PTK2: variants seen among roughly 807,000 people sequenced by gnomAD.
PTK2 encodes protein tyrosine kinase 2, also known as focal adhesion kinase 1.
In PTK2, 45 loss-of-function variants were observed where a neutral mutation model predicts 150.1. The observed-to-expected ratio is 0.30, with a 90% CI of 0.24 to 0.38. PTK2 has a LOEUF of 0.38. Among genes scored for constraint, PTK2 ranks in the 10% least tolerant of loss-of-function variants. The probability of loss-of-function intolerance (pLI) is 1.00; values close to 1 mark genes in which losing one functional copy is unlikely to be tolerated. For synonymous variants in PTK2, 432 were observed against 449.2 expected, an observed-to-expected ratio of 0.96 and a Z score of 0.48; for missense variants, 919 against 1,307.3, an observed-to-expected ratio of 0.70 and a Z score of 4.58.
intron 26 of PTK2, among the ~76,000 whole-genome samples, chr8:140,693,405 A>G (rs1262562895): frequency 2.0e-5 from 3 of 151,716 alleles, no homozygotes; most frequent in African/African-American, 7.3e-5. Context: ...AAAAGTAACA[A>G]AATTAGCCAG....
intron 7 of PTK2, among the ~76,000 whole-genome samples, chr8:140,843,634 A>G (rs1394067268): frequency 6.6e-6 from 1 of 152,126 alleles, no homozygotes; most frequent in African/African-American, 2.4e-5. Flanking sequence ...ACTATTTGCC[A>G]TCTATTGTAC....
At chr8:140,739,199 G>T in intron 20 of PTK2, 92 bp from the exon 24 acceptor site, 1 of 808,850 alleles carries the variant, frequency 1.2e-6, no homozygotes. Flanking sequence ...AAAGGAAAAA[G>T]CTTTAACTAT....
At chr8:140,966,745 A>G (rs1199801207) in intron 1 of PTK2, among the ~76,000 whole-genome samples, 1 of 152,214 alleles carries the variant, frequency 6.6e-6, no homozygotes, top group Non-Finnish European at 1.5e-5. Flanking sequence ...AACTCTGAAG[A>G]TATTTTAAGA....
At chr8:140,972,187 T>TA (rs35134075) in intron 1 of PTK2, among the ~76,000 whole-genome samples, 56,212 of 151,384 alleles carry the variant, frequency 0.37, 12,636 homozygotes, top group Non-Finnish European at 0.51. Flanking sequence ...CCTCCTCCCC[T>TA]AAAAAAAAAT....
chr8:140,719,887 CAAAAAAA>C (rs71308987), intron 22 of PTK2, among the ~76,000 whole-genome samples: 29 of 90,870 alleles, frequency 3.2e-4, no homozygotes, highest in African/African-American at 1.0e-3. Flanking sequence ...CTTGTCTCAC[CAAAAAAA>C]AAAAAAAAAA....
intron 8 of PTK2, among the ~76,000 whole-genome samples, chr8:140,826,160 G>A (rs2100111648): frequency 6.6e-6 from 1 of 152,184 alleles, no homozygotes; most frequent in Admixed American, 6.5e-5. Flanking sequence ...TTATGGAAAA[G>A]CCAATGTTAA....
At chr8:140,979,922 G>C (rs572562114) in intron 1 of PTK2, among the ~76,000 whole-genome samples, 8 of 152,248 alleles carry the variant, frequency 5.3e-5, no homozygotes, top group Non-Finnish European at 1.0e-4. Context: ...AAATTACCCA[G>C]TCTCGGATAT....
intron 27 of PTK2, among the ~76,000 whole-genome samples, chr8:140,684,797 G>GTACCGCCCAATGGTCA (rs1330571481): frequency 6.6e-6 from 1 of 151,982 alleles, no homozygotes; most frequent in Non-Finnish European, 1.5e-5. Flanking sequence ...AAGTATGGTC[G>GTACCGCCCAATGGTCA]TACCGCCCAA....
intron 31 of PTK2, among the ~76,000 whole-genome samples, chr8:140,663,600 T>C (rs2084306941): frequency 6.6e-6 from 1 of 152,200 alleles, no homozygotes; most frequent in Admixed American, 6.5e-5. Context: ...GTCATATAAT[T>C]GAAACAAAAT....
At chr8:141,001,570 C>T (rs1327687567), upstream of PTK2, among the ~76,000 whole-genome samples, 1 of 152,090 alleles carries the variant, frequency 6.6e-6, no homozygotes, top group Non-Finnish European at 1.5e-5. Flanking sequence ...CCCCGCCGAG[C>T]GGACATCCTG....
At chr8:140,879,287 C>A in intron 4 of PTK2, 184 bp downstream of exon 4, 3 of 533,442 alleles carry the variant, frequency 5.6e-6, no homozygotes, top group South Asian at 4.9e-5. Context: ...TAATAATACC[C>A]AAAAGCTAGA....
intron 13 of PTK2, among the ~76,000 whole-genome samples, chr8:140,790,377 C>A (rs1297416678): frequency 1.3e-5 from 2 of 152,166 alleles, no homozygotes; most frequent in Admixed American, 1.3e-4. Flanking sequence ...GGGATAGGAC[C>A]CAAGTCTAAA....
At position 140,921,983 on chromosome 8, in the gene PTK2, ACT is replaced by A. The variant is rs2100167637; in HGVS notation, c.-33+3676_-33+3677del. On this transcript the variant is annotated intron_variant, in intron 2 of 31. Transcript: ENST00000522684. ...CCGAATGTACATAAGACACACTGAG[ACT>A]CTACAGTTCTAGCTTTCCTAAATGT... 2.6e-5 allele frequency among the ~76,000 whole-genome samples: 4 copies of A among 152,258 alleles called. No homozygotes were observed. In the South Asian group the frequency reaches 6.2e-4, roughly 24 times the overall value.
intron 3 of PTK2, among the ~76,000 whole-genome samples, chr8:140,885,148 T>C (rs1323643634): frequency 6.6e-6 from 1 of 152,196 alleles, no homozygotes; most frequent in Admixed American, 6.5e-5. Flanking sequence ...AATGTCTTTT[T>C]AAAAAATAAG....
chr8:140,887,101 A>T (rs1286197430), intron 3 of PTK2, among the ~76,000 whole-genome samples: 1 of 152,182 alleles, frequency 6.6e-6, no homozygotes, highest in Non-Finnish European at 1.5e-5. Context: ...GGGGGGCAGA[A>T]TATACCAGCT....
chr8:140,706,057 C>A, intron 24 of PTK2, 62 bp downstream of exon 27: 3 of 1,359,488 alleles, frequency 2.2e-6, no homozygotes, highest in Non-Finnish European at 3.1e-6. Flanking sequence ...CAATGTACCG[C>A]TCTACCCCAA....
chr8:140,754,885 G>A (rs1249735046), intron 16 of PTK2, among the ~76,000 whole-genome samples: 3 of 152,202 alleles, frequency 2.0e-5, no homozygotes, highest in Non-Finnish European at 2.9e-5. Context: ...AGACCAGAAC[G>A]TGTGCAAAGG....
intron 20 of PTK2, among the ~76,000 whole-genome samples, chr8:140,741,434 G>A (rs1165440096): frequency 1.3e-5 from 2 of 150,984 alleles, no homozygotes; most frequent in African/African-American, 2.4e-5. Flanking sequence ...CAGCCTGGGC[G>A]ACAGAGTGAG....
intron 11 of PTK2, among the ~76,000 whole-genome samples, chr8:140,803,240 C>T (rs1197139590): frequency 5.9e-5 from 9 of 151,872 alleles, no homozygotes; most frequent in South Asian, 2.1e-4. Flanking sequence ...TCAAGTGATC[C>T]GCCTGCCTTG....
Sources: allele counts gnomAD v4.1 joint callset (sites outside exome capture counted in the v4.1 genomes callset), GRCh38; gene constraint gnomAD v4.1.1; transcripts MANE v1.5; gene names NCBI Gene and HGNC (gene_info 2026-07-23, HGNC 2026-07-21).